SLC4A8: variants seen among roughly 807,000 people sequenced by gnomAD.
SLC4A8 encodes the protein electroneutral sodium bicarbonate exchanger 1.
Under a neutral mutation model 125.0 loss-of-function variants are expected in SLC4A8, and 40 were observed. The ratio of observed to expected loss-of-function variants is 0.32; its 90% CI spans 0.25 to 0.42. SLC4A8 has a LOEUF of 0.42. SLC4A8 is among the 10% of genes least tolerant of loss of function. The pLI is 1.00. For synonymous variants in SLC4A8, 456 were observed against 476.0 expected, an observed-to-expected ratio of 0.96 and a Z score of 0.55; for missense variants, 863 against 1,355.1, an observed-to-expected ratio of 0.64 and a Z score of 5.70.
intron 2 of SLC4A8, among the ~76,000 whole-genome samples, chr12:51,443,486 A>T (rs1184528927): frequency 6.6e-6 from 1 of 152,164 alleles, no homozygotes; most frequent in Non-Finnish European, 1.5e-5. Context: ...ACTCAAGAAG[A>T]GCAATAGTCC....
intron 1 of SLC4A8, among the ~76,000 whole-genome samples, chr12:51,438,606 C>T (rs1395410677): frequency 6.6e-6 from 1 of 152,140 alleles, no homozygotes; most frequent in Non-Finnish European, 1.5e-5. Context: ...GCAGATGTCT[C>T]TTTAATATAG....
At chr12:51,401,905 C>T (rs555975917) in intron 1 of SLC4A8, among the ~76,000 whole-genome samples, 1 of 152,146 alleles carries the variant, frequency 6.6e-6, no homozygotes, top group African/African-American at 2.4e-5. Flanking sequence ...GCTGGGAGTA[C>T]AGACATGTGC....
chr12:51,411,005 G>T (rs1379741588), intron 1 of SLC4A8, among the ~76,000 whole-genome samples: 4 of 146,034 alleles, frequency 2.7e-5, no homozygotes, highest in African/African-American at 1.0e-4. Context: ...CTCCCAAAGT[G>T]CTGGGAATAC....
intron 21 of SLC4A8, among the ~76,000 whole-genome samples, 175 bp downstream of exon 21, chr12:51,495,293 A>G (rs184189999): frequency 1.3e-5 from 2 of 152,200 alleles, no homozygotes; most frequent in East Asian, 3.9e-4. Flanking sequence ...CATCTTGCAA[A>G]GCTGAAACTC....
chr12:51,444,881 A>G (rs932989894), intron 2 of SLC4A8, among the ~76,000 whole-genome samples: 42 of 152,300 alleles, frequency 2.8e-4, no homozygotes, highest in African/African-American at 9.4e-4. Flanking sequence ...TGCCTCCTCA[A>G]TTTCTCCTTT....
chr12:51,447,052 GTCTGTCTATCTA>G (rs1264684971), intron 2 of SLC4A8, among the ~76,000 whole-genome samples: 4 of 149,366 alleles, frequency 2.7e-5, no homozygotes, highest in South Asian at 2.1e-4. Context: ...CTGTCTGTCT[GTCTGTCTATCTA>G]TCTGTCTATC....
intron 14 of SLC4A8, among the ~76,000 whole-genome samples, chr12:51,472,954 T>C (rs971811777): frequency 2.0e-5 from 3 of 152,124 alleles, no homozygotes; most frequent in African/African-American, 7.2e-5. Flanking sequence ...AGAGTTAGCA[T>C]ATACCCCCTA....
chr12:51,395,872 AGT>A (rs1372532548), intron 1 of SLC4A8, among the ~76,000 whole-genome samples: 5 of 152,228 alleles, frequency 3.3e-5, no homozygotes, highest in Non-Finnish European at 5.9e-5. Context: ...AACACATGAA[AGT>A]GTGAGAGTTG....
At chr12:51,453,942 T>C (rs1002727899) in intron 5 of SLC4A8, among the ~76,000 whole-genome samples, 72 of 152,216 alleles carry the variant, frequency 4.7e-4, no homozygotes, top group African/African-American at 1.6e-3. Flanking sequence ...TGTCTGTTTA[T>C]TCAGCAAATG....
In SLC4A8 at chr12:51,515,687, A is replaced by G. The variant is rs1938507008; in HGVS notation, c.*8249A>G. 6.6e-6 allele frequency: 1 copy of G among 152,142 alleles called. No homozygotes were observed. Among genetic ancestry groups the G allele is most frequent in the South Asian group, 2.1e-4 (1 of 4,826 alleles). The allele number at this position is 152,142 out of a possible 1,614,324, so 9.4% of individuals were successfully genotyped here. A position where few individuals can be genotyped will look rare whatever the true frequency, so the allele number is the denominator to read the frequency against. ...CCAGGGCAGGTAATTGTGACACTGC[A>G]TCTCATAGAACTCTGCCTGCCCAGA... On this transcript the variant is annotated 3_prime_UTR_variant, in exon 25 of 25. Transcript: ENST00000453097.
chr12:51,486,655 T>C (rs965341605), intron 17 of SLC4A8, among the ~76,000 whole-genome samples: 1 of 152,138 alleles, frequency 6.6e-6, no homozygotes, highest in African/African-American at 2.4e-5. Context: ...GCGTACTCAG[T>C]GACTTTAGAA....
chr12:51,414,545 G>C (rs1260422328), intron 1 of SLC4A8, among the ~76,000 whole-genome samples: 1 of 152,154 alleles, frequency 6.6e-6, no homozygotes, highest in African/African-American at 2.4e-5. Flanking sequence ...GAGCCCAGGA[G>C]TTTGAGACCA....
At chr12:51,410,662 G>A (rs540915391) in intron 1 of SLC4A8, among the ~76,000 whole-genome samples, 4 of 152,128 alleles carry the variant, frequency 2.6e-5, no homozygotes, top group Admixed American at 6.5e-5. Context: ...GTTTCACCAT[G>A]TTGGCCAGGC....
intron 16 of SLC4A8, among the ~76,000 whole-genome samples, chr12:51,476,874 A>C (rs1314873764): frequency 6.6e-6 from 1 of 151,036 alleles, no homozygotes; most frequent in African/African-American, 2.4e-5. Context: ...TACATGTATA[A>C]TACAGCATTT....
At chr12:51,456,098 T>C (rs1241660899) in intron 5 of SLC4A8, among the ~76,000 whole-genome samples, 1 of 152,140 alleles carries the variant, frequency 6.6e-6, no homozygotes, top group Non-Finnish European at 1.5e-5. Flanking sequence ...ATTGCAGTAG[T>C]TCAGGTGAGA....
In SLC4A8 at chr12:51,401,516, A is replaced by G. The variant is rs996266411; in HGVS notation, c.-112+10028A>G. ...GCCGATGGCGTGCCAGCGTGCTGGC[A>G]TCTGCCACTGCATGTTGGTATGCTC... On this transcript the variant is annotated intron_variant, in intron 1 of 24. Transcript: ENST00000358657. Among the ~76,000 whole-genome samples, 4 of 152,208 alleles carry G rather than the reference A, an allele frequency of 2.6e-5. No individual in the cohort carries two copies. In the East Asian group the frequency reaches 5.8e-4, roughly 22 times the overall value.
At chr12:51,462,239 A>G (rs1206116013) in intron 9 of SLC4A8, 71 bp from the exon 10 acceptor site, 1 of 1,383,836 alleles carries the variant, frequency 7.2e-7, no homozygotes, top group Non-Finnish European at 1.0e-6. Context: ...TTCATTTTTC[A>G]CCATATCCAT....
chr12:51,494,747 G>C (rs2138416975), intron 20 of SLC4A8, 198 bp from the exon 21 acceptor site: 1 of 463,774 alleles, frequency 2.2e-6, no homozygotes, highest in East Asian at 3.1e-5. Context: ...AGAAAAGATG[G>C]ATTCAAATTT....
intron 1 of SLC4A8, among the ~76,000 whole-genome samples, chr12:51,403,675 C>T (rs549049875): frequency 3.9e-5 from 6 of 152,284 alleles, no homozygotes; most frequent in East Asian, 3.9e-4. Flanking sequence ...TGCCTTTATA[C>T]CCCAGCCACA....
Sources: gnomAD v4.1 joint callset for allele counts (sites outside exome capture counted in the v4.1 genomes callset) on GRCh38, gnomAD v4.1.1 for gene constraint, MANE v1.5 for transcripts, NCBI Gene and HGNC (gene_info 2026-07-23, HGNC 2026-07-21) for gene names.